Variants in MAD1L1 observed in about 807,000 individuals in gnomAD.
MAD1L1 encodes the protein mitotic spindle assembly checkpoint protein MAD1.
A neutral mutation model predicts 96.9 loss-of-function variants in MAD1L1; 95 were observed. The observed-to-expected ratio is 0.98, with a 90% CI of 0.83 to 1.16. The LOEUF (loss-of-function observed/expected upper bound fraction) is 1.16, where lower values mean the gene tolerates loss of function less well. Ranked by LOEUF, MAD1L1 falls within the 50% of genes most tolerant of loss-of-function variation. The probability of loss-of-function intolerance (pLI) is 0.00; values close to 1 mark genes in which losing one functional copy is unlikely to be tolerated. For synonymous variants in MAD1L1, 473 were observed against 396.6 expected (o/e 1.19, Z -2.29); for missense variants, 1,007 against 954.4 (o/e 1.06, Z -0.73).
intron 18 of MAD1L1, among the ~76,000 whole-genome samples, chr7:1,817,797 G>T (rs1781900099): frequency 6.6e-6 from 1 of 152,040 alleles, no homozygotes. Flanking sequence ...GGAGCCACAG[G>T]GCGGCCTGGC....
intron 13 of MAD1L1, among the ~76,000 whole-genome samples, chr7:2,004,976 G>A (rs1355194011): frequency 3.9e-5 from 6 of 152,238 alleles, no homozygotes; most frequent in Non-Finnish European, 8.8e-5. Flanking sequence ...TCGGAGCCAA[G>A]GAGCCCTGAA....
At chr7:2,206,600 T>G (rs1037332078) in intron 10 of MAD1L1, among the ~76,000 whole-genome samples, 10 of 152,028 alleles carry the variant, frequency 6.6e-5, no homozygotes, top group South Asian at 2.1e-4. Flanking sequence ...CACTGTATTC[T>G]TCAATCATTT....
At chr7:1,955,982 G>T (rs572888051) in intron 16 of MAD1L1, among the ~76,000 whole-genome samples, 189 of 141,470 alleles carry the variant, frequency 1.3e-3, no homozygotes, top group African/African-American at 4.7e-3. Context: ...CAAGTAAGGT[G>T]GGTGGGGGGG....
At chr7:2,055,142 G>A (rs1023388339) in intron 12 of MAD1L1, among the ~76,000 whole-genome samples, 6 of 152,172 alleles carry the variant, frequency 3.9e-5, no homozygotes, top group Non-Finnish European at 5.9e-5. Context: ...GCACAGCGAG[G>A]CGGTGCGTGC....
chr7:2,231,547 C>T (rs1190127397), intron 1 of MAD1L1, among the ~76,000 whole-genome samples: 3 of 151,930 alleles, frequency 2.0e-5, no homozygotes, highest in Non-Finnish European at 4.4e-5. Context: ...ATGGAGGTTG[C>T]AGTGAACTGA....
chr7:2,071,861 G>A (rs2128531338), intron 11 of MAD1L1, among the ~76,000 whole-genome samples: 1 of 152,314 alleles, frequency 6.6e-6, no homozygotes, highest in African/African-American at 2.4e-5. Context: ...AAAACCCAAA[G>A]GCTTCTCACG....
At chr7:2,034,542 C>G (rs555957105) in intron 12 of MAD1L1, among the ~76,000 whole-genome samples, 1 of 152,136 alleles carries the variant, frequency 6.6e-6, no homozygotes, top group Admixed American at 6.5e-5. Context: ...TATGTCTACA[C>G]GAAGAAACAT....
At chr7:2,160,990 A>G (rs1332740344) in intron 10 of MAD1L1, among the ~76,000 whole-genome samples, 5 of 152,110 alleles carry the variant, frequency 3.3e-5, no homozygotes, top group Non-Finnish European at 7.4e-5. Context: ...CAATTCTATC[A>G]TTCCTAACTG....
At chr7:2,113,848 G>C (rs1033319478) in intron 11 of MAD1L1, among the ~76,000 whole-genome samples, 4 of 152,204 alleles carry the variant, frequency 2.6e-5, no homozygotes, top group African/African-American at 9.7e-5. Context: ...CTCCAACTGA[G>C]GAACATCCAC....
intron 18 of MAD1L1, among the ~76,000 whole-genome samples, chr7:1,882,579 C>T (rs1725523036): frequency 6.6e-6 from 1 of 152,206 alleles, no homozygotes; most frequent in Admixed American, 6.5e-5. Flanking sequence ...TTCCTATCAG[C>T]AACACCCGTG....
intron 18 of MAD1L1, chr7:1,829,578 T>G (rs1219851156): frequency 6.6e-6 from 1 of 152,140 alleles, no homozygotes; most frequent in Non-Finnish European, 1.5e-5. Context: ...GCCAGTGAGT[T>G]CTGCAGCGAT....
chr7:1,977,172 G>T (rs145078370), intron 15 of MAD1L1, among the ~76,000 whole-genome samples: 3 of 152,254 alleles, frequency 2.0e-5, no homozygotes, highest in African/African-American at 7.2e-5. Context: ...GGGCCGCGCC[G>T]TCGGGGAGGC....
At chr7:2,010,436 A>T (rs770491530) in intron 13 of MAD1L1, among the ~76,000 whole-genome samples, 4 of 152,192 alleles carry the variant, frequency 2.6e-5, no homozygotes, top group Admixed American at 6.5e-5. Context: ...GCTTTTAATT[A>T]AATAAATCGG....
At chr7:2,093,272 G>C (rs1254171713) in intron 11 of MAD1L1, among the ~76,000 whole-genome samples, 1 of 147,094 alleles carries the variant, frequency 6.8e-6, no homozygotes, top group Non-Finnish European at 1.5e-5. Flanking sequence ...AAAATTCAGA[G>C]GGAGGGCAGT....
At chr7:2,186,114 G>T (rs192902143) in intron 10 of MAD1L1, among the ~76,000 whole-genome samples, 3 of 152,176 alleles carry the variant, frequency 2.0e-5, no homozygotes, top group Non-Finnish European at 2.9e-5. Flanking sequence ...GCAATCTTAA[G>T]TACTGTTAAC....
In MAD1L1 at chr7:2,215,523, C is replaced by T. The variant is rs979029898; in HGVS notation, c.924+362G>A. ...TTCCAGGGGACAGTCCACTTCCCTG[C>T]TCTTTCCAGCTTCCAGATGACCCAC... On this transcript the variant is annotated intron_variant, in intron 9 of 18. Coordinates refer to ENST00000265854, the MANE Select transcript of MAD1L1 (RefSeq NM_001013836.2). 2.0e-5 allele frequency among the ~76,000 whole-genome samples: 3 copies of T among 152,190 alleles called. No individual in the cohort carries two copies. The East Asian group carries it at 5.8e-4, about 29-fold the overall frequency.
At chr7:2,220,774 C>T in intron 5 of MAD1L1, 3 of 1,182,170 alleles carry the variant, frequency 2.5e-6, no homozygotes, top group Non-Finnish European at 3.5e-6. Flanking sequence ...GTTTACTTCA[C>T]CACAACAGTG....
At chr7:1,972,914 G>A (rs1435799903) in intron 15 of MAD1L1, among the ~76,000 whole-genome samples, 2 of 152,126 alleles carry the variant, frequency 1.3e-5, no homozygotes, top group Non-Finnish European at 2.9e-5. Flanking sequence ...CCCCACACGG[G>A]CAATGCAGAC....
At position 2,032,341 on chromosome 7, in the gene MAD1L1, C is replaced by T. The variant is rs532574869; in HGVS notation, c.1219-17699G>A. 9.2e-5 allele frequency among the ~76,000 whole-genome samples: 14 copies of T among 152,364 alleles called. No individual in the cohort carries two copies. In the East Asian group the frequency reaches 1.5e-3, roughly 17 times the overall value. ...GCGCGCGCCCCAGGTCTCCAGCCTCCGTGAAGCCGAGCCTGGGCTCTTGGC... is the reference window on the plus strand; with the variant it reads ...GCGCGCGCCCCAGGTCTCCAGCCTCTGTGAAGCCGAGCCTGGGCTCTTGGC... On this transcript the variant is annotated intron_variant, in intron 12 of 18. Transcript: ENST00000265854.
Sources: gnomAD v4.1 joint callset for allele counts (sites outside exome capture counted in the v4.1 genomes callset) on GRCh38, gnomAD v4.1.1 for gene constraint, MANE v1.5 for transcripts, NCBI Gene and HGNC (gene_info 2026-07-23, HGNC 2026-07-21) for gene names.